DTNBP1: variants seen among roughly 807,000 people sequenced by gnomAD.
DTNBP1 encodes the protein dystrobrevin binding protein 1.
A neutral mutation model predicts 42.8 loss-of-function variants in DTNBP1; 35 were observed. The observed-to-expected ratio is 0.82, with a 90% CI of 0.63 to 1.09. The LOEUF (loss-of-function observed/expected upper bound fraction) is 1.09, where lower values mean the gene tolerates loss of function less well. Ranked by LOEUF, DTNBP1 falls within the 50% of genes least tolerant of loss-of-function variation. DTNBP1 has a pLI of 0.00. For synonymous variants in DTNBP1, 171 were observed against 162.2 expected, an observed-to-expected ratio of 1.05 and a Z score of -0.41; for missense variants, 457 against 424.2, an observed-to-expected ratio of 1.08 and a Z score of -0.68.
At position 15,536,771 on chromosome 6, in the gene DTNBP1, AATGG is replaced by A. The variant is rs561467450; in HGVS notation, c.512-3380_512-3377del. On this transcript the variant is annotated intron_variant, in intron 7 of 9. Coordinates refer to ENST00000344537, the MANE Select transcript of DTNBP1 (RefSeq NM_032122.5). Reference sequence around the variant, plus strand: ...AGGGCCACTGCCCTCCAGAGCCCAGAATGGTAGATCCACTGACAGCTTGCACCAT... The same window carrying A: ...AGGGCCACTGCCCTCCAGAGCCCAGATAGATCCACTGACAGCTTGCACCAT... Among the ~76,000 whole-genome samples, 336 of 152,308 alleles carry A rather than the reference AATGG, an allele frequency of 2.2e-3. 1 individual carries two copies. The highest frequency in any genetic ancestry group is 7.8e-3 in the African/African-American group (326 of 41,572).
chr6:15,624,059 T>C (rs886554223), intron 5 of DTNBP1, among the ~76,000 whole-genome samples: 6 of 152,224 alleles, frequency 3.9e-5, no homozygotes. Context: ...CCTTGTTCAC[T>C]GCTGTGTGTC....
intron 7 of DTNBP1, among the ~76,000 whole-genome samples, chr6:15,576,350 T>G (rs1775566350): frequency 6.6e-6 from 1 of 152,086 alleles, no homozygotes; most frequent in Admixed American, 6.5e-5. Flanking sequence ...CTCAAACTCC[T>G]GAGCTCAGGT....
At chr6:15,547,768 G>T (rs954849509) in intron 7 of DTNBP1, among the ~76,000 whole-genome samples, 1 of 152,206 alleles carries the variant, frequency 6.6e-6, no homozygotes, top group African/African-American at 2.4e-5. Flanking sequence ...CACAGAAGGA[G>T]GCAAGATCCC....
intron 4 of DTNBP1, among the ~76,000 whole-genome samples, chr6:15,635,008 C>T (rs1759926934): frequency 6.6e-6 from 1 of 152,132 alleles, no homozygotes; most frequent in Non-Finnish European, 1.5e-5. Context: ...GTATGTCTTG[C>T]TTTTACTCTA....
chr6:15,607,411 C>T (rs1326354506), intron 6 of DTNBP1, among the ~76,000 whole-genome samples: 3 of 152,166 alleles, frequency 2.0e-5, no homozygotes, highest in African/African-American at 4.8e-5. Context: ...AAGGGATTCT[C>T]CTGCCTCAGC....
chr6:15,659,394 C>T (rs193069392), intron 1 of DTNBP1, among the ~76,000 whole-genome samples: 64 of 152,286 alleles, frequency 4.2e-4, no homozygotes, highest in Non-Finnish European at 7.6e-4. Flanking sequence ...CCTGCACACC[C>T]GGTGTTTCCA....
At chr6:15,564,308 G>A (rs1022277858) in intron 7 of DTNBP1, among the ~76,000 whole-genome samples, 1 of 151,866 alleles carries the variant, frequency 6.6e-6, no homozygotes, top group Non-Finnish European at 1.5e-5. Context: ...ACTGTAAATC[G>A]TATATCTGAT....
rs750171113 is a variant in DTNBP1 at position 15,593,112 on chromosome 6, A to G, written c.489-31T>C. 2.3e-5 allele frequency: 36 copies of G among 1,546,198 alleles called. No individual in the cohort carries two copies. The South Asian group carries it at 2.4e-4, about 11-fold the overall frequency. Reference sequence around the variant, plus strand: ...GGAAAAAAAAAAAAAAGACAAGACAATGCAAATTAAAAATCTCCCCAATGA... The same window carrying G: ...GGAAAAAAAAAAAAAAGACAAGACAGTGCAAATTAAAAATCTCCCCAATGA... On this transcript the variant is annotated intron_variant, in intron 6 of 9. Coordinates refer to ENST00000344537, the MANE Select transcript of DTNBP1 (RefSeq NM_032122.5).
intron 3 of DTNBP1, among the ~76,000 whole-genome samples, chr6:15,643,616 G>A (rs531368508): frequency 1.3e-5 from 2 of 152,250 alleles, no homozygotes; most frequent in South Asian, 4.1e-4. Context: ...ACAGTCAGAA[G>A]AGACTGGGGG....
intron 7 of DTNBP1, among the ~76,000 whole-genome samples, chr6:15,561,587 G>A (rs1003696167): frequency 1.3e-5 from 2 of 152,186 alleles, no homozygotes; most frequent in Admixed American, 1.3e-4. Context: ...AGGAAGAGAA[G>A]ATGGATCTTC....
At position 15,608,771 on chromosome 6, in the gene DTNBP1, G is replaced by A. The variant is rs138313311; in HGVS notation, c.488+6496C>T. 3.1e-3 allele frequency among the ~76,000 whole-genome samples: 466 copies of A among 152,148 alleles called. 3 individuals carry two copies. Among genetic ancestry groups the A allele is most frequent in the African/African-American group, 0.01 (427 of 41,502 alleles). ...TTCTTAGTAACCATTTTCTACTTTC[G>A]GCATTGTTGCTGAAAAGTTGATGTT... On this transcript the variant is annotated intron_variant, in intron 6 of 9. Transcript: ENST00000344537.
At chr6:15,662,684 G>A (rs1761718335) in intron 1 of DTNBP1, 130 bp downstream of exon 1, 5 of 1,273,340 alleles carry the variant, frequency 3.9e-6, no homozygotes, top group Non-Finnish European at 5.5e-6. Context: ...TTTCCTCGGC[G>A]GGGCGGGGCG....
In DTNBP1 at chr6:15,610,835, T is replaced by C. The variant is rs115745387; in HGVS notation, c.488+4432A>G. Among the ~76,000 whole-genome samples the C allele has an allele frequency of 8.7e-3, 1,322 of 152,292 alleles. 27 individuals are homozygous for C. The highest frequency in any genetic ancestry group is 0.03 in the African/African-American group (1,231 of 41,562). On this transcript the variant is annotated intron_variant, in intron 6 of 9. Transcript: ENST00000344537. ...AAACAGGTGAGAAAGCTGGAAAAGTTTGATGCTAGCAGAGGTTGGTTCATG... is the reference window on the plus strand; with the variant it reads ...AAACAGGTGAGAAAGCTGGAAAAGTCTGATGCTAGCAGAGGTTGGTTCATG...
At chr6:15,549,824 A>G (rs1210803836) in intron 7 of DTNBP1, among the ~76,000 whole-genome samples, 1 of 152,194 alleles carries the variant, frequency 6.6e-6, no homozygotes, top group Non-Finnish European at 1.5e-5. Context: ...AGTGTTTCCC[A>G]GGGACATTTG....
chr6:15,568,286 G>A (rs772291343), intron 7 of DTNBP1, among the ~76,000 whole-genome samples: 16 of 152,056 alleles, frequency 1.1e-4, no homozygotes, highest in Non-Finnish European at 1.9e-4. Context: ...ATATCCTTTC[G>A]TCCTCCAATC....
At chr6:15,619,312 T>C (rs1175237187) in intron 5 of DTNBP1, among the ~76,000 whole-genome samples, 1 of 152,174 alleles carries the variant, frequency 6.6e-6, no homozygotes, top group African/African-American at 2.4e-5. Flanking sequence ...AAAATCACAC[T>C]GTGCCCTATA....
intron 1 of DTNBP1, chr6:15,660,559 CCT>C: frequency 7.8e-7 from 1 of 1,288,636 alleles, no homozygotes; most frequent in Non-Finnish European, 1.0e-6. Context: ...CTAATGAAGC[CCT>C]CTCAGGATGT....
chr6:15,614,311 A>T (rs1445494616), intron 6 of DTNBP1, among the ~76,000 whole-genome samples: 1 of 151,624 alleles, frequency 6.6e-6, no homozygotes, highest in Non-Finnish European at 1.5e-5. Flanking sequence ...TTATTGTCAC[A>T]TCCTAGATCC....
chr6:15,543,726 A>G (rs1198098107), intron 7 of DTNBP1, among the ~76,000 whole-genome samples: 1 of 152,016 alleles, frequency 6.6e-6, no homozygotes, highest in Non-Finnish European at 1.5e-5. Context: ...ACCCCCTCCT[A>G]GCCTCTGTCA....
Sources: gnomAD v4.1 joint callset for allele counts (sites outside exome capture counted in the v4.1 genomes callset) on GRCh38, gnomAD v4.1.1 for gene constraint, MANE v1.5 for transcripts, NCBI Gene and HGNC (gene_info 2026-07-23, HGNC 2026-07-21) for gene names.